The following RPS6KC1 variants were observed in gnomAD, a reference collection of about 807,000 sequenced individuals.
The protein encoded by RPS6KC1 is ribosomal protein S6 kinase C1.
RPS6KC1 carries 54 observed loss-of-function variants against 103.8 expected under a neutral mutation model. The ratio of observed to expected loss-of-function variants is 0.52; its 90% confidence interval spans 0.42 to 0.65. The LOEUF (loss-of-function observed/expected upper bound fraction) is 0.65, where lower values mean the gene tolerates loss of function less well. Ranked by LOEUF, RPS6KC1 falls within the 30% of genes least tolerant of loss-of-function variation. The probability of loss-of-function intolerance (pLI) is 0.00; values close to 1 mark genes in which losing one functional copy is unlikely to be tolerated. For missense variants in RPS6KC1, 1,151 were observed against 1,253.8 expected, an observed-to-expected ratio of 0.92 and a Z score of 1.24; for synonymous variants, 439 against 438.7, an observed-to-expected ratio of 1.00 and a Z score of -0.01.
At chr1:213,682,838 G>A in the RPS6KC1 span, among the ~76,000 whole-genome samples, 2 of 152,140 alleles carry the variant, frequency 1.3e-5, no homozygotes, top group Non-Finnish European at 2.9e-5. Context: ...TCACATTTTG[G>A]TATATAATCT....
At chr1:213,369,870 GA>G in the RPS6KC1 span, among the ~76,000 whole-genome samples, 2 of 152,208 alleles carry the variant, frequency 1.3e-5, no homozygotes, top group Admixed American at 6.5e-5. Context: ...GGGTTCGGGG[GA>G]AGTGAGAGCT....
intron 8 of RPS6KC1, among the ~76,000 whole-genome samples, chr1:213,223,472 T>A (rs530188575): frequency 5.3e-5 from 8 of 152,316 alleles, no homozygotes; most frequent in Admixed American, 4.6e-4. Context: ...GGTTTTCCAT[T>A]CCTGAGTTAC....
the RPS6KC1 span, among the ~76,000 whole-genome samples, chr1:213,319,190 C>T: frequency 6.6e-6 from 1 of 151,656 alleles, no homozygotes; most frequent in African/African-American, 2.4e-5. Flanking sequence ...CCTGTAATCC[C>T]AGCTACTCGG....
chr1:213,842,391 T>A, the RPS6KC1 span, among the ~76,000 whole-genome samples: 1 of 152,156 alleles, frequency 6.6e-6, no homozygotes, highest in Non-Finnish European at 1.5e-5. Context: ...ACCACCATAT[T>A]TGTGCCCCTT....
the RPS6KC1 span, among the ~76,000 whole-genome samples, chr1:213,667,557 C>T: frequency 3.9e-5 from 6 of 152,292 alleles, no homozygotes; most frequent in South Asian, 2.1e-4. Flanking sequence ...CTTGCCTTGA[C>T]GTTGATGGTT....
chr1:213,614,361 A>G, the RPS6KC1 span, among the ~76,000 whole-genome samples: 1 of 152,216 alleles, frequency 6.6e-6, no homozygotes, highest in South Asian at 2.1e-4. Flanking sequence ...AATCCAGATG[A>G]CCAATAACCC....
chr1:213,748,055 G>A, the RPS6KC1 span, among the ~76,000 whole-genome samples: 1,981 of 152,278 alleles, frequency 0.013, 11 homozygotes, highest in Non-Finnish European at 0.018. Flanking sequence ...TTACAAAGAT[G>A]CCTAGATCCA....
chr1:213,748,574 C>T, the RPS6KC1 span, among the ~76,000 whole-genome samples: 9 of 152,236 alleles, frequency 5.9e-5, no homozygotes, highest in South Asian at 1.9e-3. Flanking sequence ...TAGGGATATG[C>T]CAATTATTTA....
the RPS6KC1 span, among the ~76,000 whole-genome samples, chr1:213,813,564 A>T: frequency 6.6e-6 from 1 of 152,206 alleles, no homozygotes; most frequent in Non-Finnish European, 1.5e-5. Context: ...CATCGTTTAA[A>T]GTGTCTTGAA....
In RPS6KC1 at chr1:213,114,173, G is replaced by T. The variant is rs928597827; in HGVS notation, c.379-3144G>T. Among the ~76,000 whole-genome samples the T allele has an allele frequency of 1.1e-4, 16 of 152,064 alleles. No individual in the cohort carries two copies. In the East Asian group the frequency reaches 1.4e-3, roughly 13 times the overall value. Reference sequence around the variant, plus strand: ...GGCAGTATGGCCATTTTCACGATATGGATTCTTCCTACCCATGAGCATGGA... The same window carrying T: ...GGCAGTATGGCCATTTTCACGATATTGATTCTTCCTACCCATGAGCATGGA... On this transcript the variant is annotated intron_variant, in intron 4 of 14. Coordinates refer to ENST00000366960, the MANE Select transcript of RPS6KC1 (RefSeq NM_012424.6).
At chr1:213,586,388 A>G in the RPS6KC1 span, among the ~76,000 whole-genome samples, 1 of 152,226 alleles carries the variant, frequency 6.6e-6, no homozygotes, top group East Asian at 1.9e-4. Context: ...GATGGAAATA[A>G]ATCTGGGAGC....
chr1:213,194,083 T>C (rs1391143530), intron 8 of RPS6KC1, among the ~76,000 whole-genome samples: 1 of 152,244 alleles, frequency 6.6e-6, no homozygotes, highest in Non-Finnish European at 1.5e-5. Flanking sequence ...CTTTGTGTCT[T>C]CTTATAGTTT....
intron 12 of RPS6KC1, among the ~76,000 whole-genome samples, chr1:213,254,151 C>T (rs1375940257): frequency 7.2e-6 from 1 of 138,496 alleles, no homozygotes; most frequent in Non-Finnish European, 1.6e-5. Context: ...TATTTATTCA[C>T]TTGTGAAATA....
chr1:213,581,348 A>G, the RPS6KC1 span, among the ~76,000 whole-genome samples: 1 of 152,202 alleles, frequency 6.6e-6, no homozygotes, highest in African/African-American at 2.4e-5. Flanking sequence ...GTTGCTAGTA[A>G]GAGTCTGTCA....
At chr1:213,481,402 C>G in the RPS6KC1 span, among the ~76,000 whole-genome samples, 1 of 152,258 alleles carries the variant, frequency 6.6e-6, no homozygotes, top group East Asian at 1.9e-4. Flanking sequence ...AGTGAAGTGT[C>G]CTTCTCAAAC....
At chr1:213,101,515 T>G (rs1156709250) in intron 3 of RPS6KC1, among the ~76,000 whole-genome samples, 2 of 152,228 alleles carry the variant, frequency 1.3e-5, no homozygotes, top group Admixed American at 6.5e-5. Flanking sequence ...ATTCCATTGC[T>G]TAAGTGTTTT....
chr1:213,713,316 G>A, the RPS6KC1 span, among the ~76,000 whole-genome samples: 1 of 152,018 alleles, frequency 6.6e-6, no homozygotes, highest in Admixed American at 6.6e-5. Flanking sequence ...ATCTCTTCCT[G>A]TTGCCCTATC....
chr1:213,716,153 T>G, the RPS6KC1 span, among the ~76,000 whole-genome samples: 2 of 152,192 alleles, frequency 1.3e-5, no homozygotes, highest in Non-Finnish European at 2.9e-5. Context: ...TCTATTCAGT[T>G]TATTTAAATA....
chr1:213,087,410 T>C (rs765920372), intron 3 of RPS6KC1, among the ~76,000 whole-genome samples: 4 of 152,246 alleles, frequency 2.6e-5, no homozygotes, highest in Non-Finnish European at 4.4e-5. Flanking sequence ...CCTGGGGCTC[T>C]TACAGTGATA....
Sources: allele counts gnomAD v4.1 joint callset (sites outside exome capture counted in the v4.1 genomes callset), GRCh38; gene constraint gnomAD v4.1.1; transcripts MANE v1.5; gene names NCBI Gene and HGNC (gene_info 2026-07-23, HGNC 2026-07-21).